PDZD2: variants seen among roughly 807,000 people sequenced by gnomAD.
PDZD2 encodes the protein PDZ domain containing 2.
In PDZD2, 90 loss-of-function variants were observed where a neutral mutation model predicts 220.7. The ratio of observed to expected loss-of-function variants is 0.41; its 90% CI spans 0.34 to 0.49. The LOEUF (loss-of-function observed/expected upper bound fraction) is 0.49, where lower values mean the gene tolerates loss of function less well. Among genes scored for constraint, PDZD2 ranks in the 20% least tolerant of loss-of-function variants. PDZD2 has a pLI of 0.28. For missense variants in PDZD2, 3,174 were observed against 3,608.5 expected, an observed-to-expected ratio of 0.88 and a Z score of 3.08; for synonymous variants, 1,375 against 1,450.5, an observed-to-expected ratio of 0.95 and a Z score of 1.18.
chr5:32,045,155 G>A (rs1011893462), intron 7 of PDZD2, among the ~76,000 whole-genome samples: 3 of 152,184 alleles, frequency 2.0e-5, no homozygotes, highest in Non-Finnish European at 4.4e-5. Flanking sequence ...GAGTAAGCAT[G>A]CCAAGAGAGA....
At chr5:31,657,027 C>T (rs927733606) in intron 1 of PDZD2, among the ~76,000 whole-genome samples, 3 of 152,198 alleles carry the variant, frequency 2.0e-5, no homozygotes, top group Middle Eastern at 3.4e-3. Context: ...GCCCTCAGCT[C>T]GGGGGTGGAG....
chr5:31,832,551 A>C, intron 2 of PDZD2: 1 of 152,262 alleles, frequency 6.6e-6, no homozygotes, highest in South Asian at 2.1e-4. Context: ...GCGGTGGCTC[A>C]TGCCATTAAT....
rs149788485 is a variant in PDZD2, at chr5:32,087,785, C to T, written c.4337C>T (p.Thr1446Met). ...GCAGCAAGGTCTCCGTCTTCCCAGA[C>T]GGGGGACAGTGGCTCTCAGGAGGGC... ...ASAARSPSSQTGDSGSQEGSA... is the reference protein window; with the variant it reads ...ASAARSPSSQMGDSGSQEGSA... The change falls in exon 20 of 25, where the codon ACG becomes ATG. Residue 1446 changes from threonine to methionine, a missense_variant. Transcript: ENST00000438447. This position sits in a 1 kb window ranked among gnomAD's most constrained non-coding sequence, Gnocchi z 4.0. 111 of 1,613,806 alleles carry T rather than the reference C, an allele frequency of 6.9e-5. No individual in the cohort carries two copies. The highest frequency in any genetic ancestry group is 8.3e-5 in the Admixed American group (5 of 59,986).
chr5:31,831,199 T>C (rs1756560319), intron 2 of PDZD2, among the ~76,000 whole-genome samples: 1 of 152,220 alleles, frequency 6.6e-6, no homozygotes, highest in Non-Finnish European at 1.5e-5. Context: ...AGAATAACCA[T>C]GGGGCCAGGG....
chr5:32,010,776 A>G, intron 6 of PDZD2: 2 of 416,060 alleles, frequency 4.8e-6, no homozygotes, highest in Non-Finnish European at 9.3e-6. Context: ...CAGGTGGATC[A>G]CCTGAGGTCA....
In PDZD2 at chr5:31,679,068, A is replaced by T. The variant is rs59916613; in HGVS notation, c.-361+39631A>T. 1.1e-4 allele frequency among the ~76,000 whole-genome samples: 16 copies of T among 152,316 alleles called. No homozygotes were observed. The East Asian group carries it at 2.7e-3, about 26-fold the overall frequency. On this transcript the variant is annotated intron_variant, in intron 1 of 24. Transcript: ENST00000438447. ...GCCGGACTATTTGGGGAAGGGCGGT[A>T]TGGGCAGGATAGTGGCCTCTGACTA...
At chr5:31,977,007 C>T (rs1450234162) in intron 2 of PDZD2, among the ~76,000 whole-genome samples, 16 of 150,754 alleles carry the variant, frequency 1.1e-4, no homozygotes, top group Non-Finnish European at 1.8e-4. Flanking sequence ...TGAGCCAACG[C>T]GCCTGGCCAG....
chr5:31,946,421 C>G (rs11746514), intron 2 of PDZD2, among the ~76,000 whole-genome samples: 8 of 152,126 alleles, frequency 5.3e-5, no homozygotes, highest in African/African-American at 1.7e-4. Context: ...TCAGGAAATA[C>G]AGATTGTTGG....
At chr5:31,955,289 G>T (rs1348030067) in intron 2 of PDZD2, among the ~76,000 whole-genome samples, 4 of 146,484 alleles carry the variant, frequency 2.7e-5, no homozygotes, top group Admixed American at 6.8e-5. Flanking sequence ...TCTTTGGTGG[G>T]TTTTTTTTTT....
chr5:31,817,186 A>AG (rs1755518996), intron 2 of PDZD2, among the ~76,000 whole-genome samples: 1 of 12,516 alleles, frequency 8.0e-5, no homozygotes, highest in Non-Finnish European at 3.1e-4. Flanking sequence ...ACTCCGTCTC[A>AG]AAAAAAAAAA....
intron 2 of PDZD2, among the ~76,000 whole-genome samples, chr5:31,958,496 C>T (rs1747930608): frequency 6.6e-6 from 1 of 152,100 alleles, no homozygotes; most frequent in African/African-American, 2.4e-5. Context: ...TCAAGTGATC[C>T]ACCTGCCTCA....
At chr5:31,877,844 C>T (rs1197783915) in intron 2 of PDZD2, among the ~76,000 whole-genome samples, 1 of 152,084 alleles carries the variant, frequency 6.6e-6, no homozygotes, top group Non-Finnish European at 1.5e-5. Flanking sequence ...TGCACACCAT[C>T]GCACCTGGCT....
intron 1 of PDZD2, among the ~76,000 whole-genome samples, chr5:31,746,916 C>T (rs1010330161): frequency 6.6e-6 from 1 of 152,232 alleles, no homozygotes; most frequent in Non-Finnish European, 1.5e-5. Context: ...TGGCTCACGC[C>T]TGTAATCTCA....
At chr5:32,078,532 T>C (rs1441401387) in intron 19 of PDZD2, among the ~76,000 whole-genome samples, 1 of 149,918 alleles carries the variant, frequency 6.7e-6, no homozygotes, top group Non-Finnish European at 1.5e-5. Context: ...CTCAGGAGGC[T>C]GAGGCAGTAG....
At chr5:32,067,965 A>G (rs1281205482) in intron 14 of PDZD2, among the ~76,000 whole-genome samples, 1 of 152,216 alleles carries the variant, frequency 6.6e-6, no homozygotes, top group Non-Finnish European at 1.5e-5. Flanking sequence ...ATATTTACAT[A>G]GTCTCAAACT....
intron 2 of PDZD2, among the ~76,000 whole-genome samples, chr5:31,889,492 C>G (rs1740815598): frequency 6.6e-6 from 1 of 152,158 alleles, no homozygotes; most frequent in Non-Finnish European, 1.5e-5. Context: ...TTTGCACAGA[C>G]CTCACACTCC....
At chr5:31,673,401 G>A (rs1158156398) in intron 1 of PDZD2, among the ~76,000 whole-genome samples, 3 of 152,194 alleles carry the variant, frequency 2.0e-5, no homozygotes, top group Admixed American at 1.3e-4. Context: ...CCTGGACCTG[G>A]GATGCCATGT....
At position 31,995,673 on chromosome 5, in the gene PDZD2, A is replaced by G; in HGVS notation, c.1076A>G (p.His359Arg). 3.7e-6 allele frequency: 6 copies of G among 1,613,984 alleles called. No individual in the cohort carries two copies. The highest frequency in any genetic ancestry group is 5.1e-6 in the Non-Finnish European group (6 of 1,180,010). The change falls in exon 4 of 25, where the codon CAC becomes CGC. Residue 359 changes from histidine to arginine, a missense_variant. This residue lies in a region of PDZD2 where 632 missense variants were observed against 708.1 expected (regional missense o/e 0.89). Coordinates refer to ENST00000438447, the MANE Select transcript of PDZD2 (RefSeq NM_178140.4). ...GGCCGAGGATCAAAGCGCTCACCTC[A>G]CGCTATCGTTGTCACTCAAGTGAAG... ...SGGRGSKRSP[H>R]AIVVTQVKEG...
chr5:32,100,754 C>A, intron 23 of PDZD2: 1 of 544,230 alleles, frequency 1.8e-6, no homozygotes, highest in East Asian at 6.2e-5. Flanking sequence ...CCAAGTGTGA[C>A]TTCAGTCCTC....
Sources: gnomAD v4.1 joint callset for allele counts (sites outside exome capture counted in the v4.1 genomes callset) on GRCh38, gnomAD v4.1.1 for gene constraint, gnomAD v4.1.1 regional missense constraint, Gnocchi (gnomAD v3.1) non-coding constraint, MANE v1.5 for transcripts, NCBI Gene and HGNC (gene_info 2026-07-23, HGNC 2026-07-21) for gene names.